The following PTER variants were observed in gnomAD, a reference collection of about 807,000 sequenced individuals.
PTER encodes phosphotriesterase related.
Under a neutral mutation model 29.6 loss-of-function variants are expected in PTER, and 38 were observed. That is an observed-to-expected ratio of 1.28 (90% CI 0.99 to 1.68). The LOEUF (loss-of-function observed/expected upper bound fraction) is 1.68. PTER is among the 40% of genes most tolerant of loss of function. The probability of loss-of-function intolerance (pLI) is 0.00; values close to 1 mark genes in which losing one functional copy is unlikely to be tolerated. For synonymous variants in PTER, 172 were observed against 154.5 expected (o/e 1.11, Z -0.84); for missense variants, 482 against 427.8 (o/e 1.13, Z -1.12).
chr10:16,474,033 C>T (rs1835162378), intron 1 of PTER, among the ~76,000 whole-genome samples: 1 of 151,938 alleles, frequency 6.6e-6, no homozygotes, highest in African/African-American at 2.4e-5. Context: ...CTGGCCAACA[C>T]AGTGAAACGT....
At chr10:16,459,333 A>G (rs911136079) in intron 1 of PTER, among the ~76,000 whole-genome samples, 1 of 152,072 alleles carries the variant, frequency 6.6e-6, no homozygotes, top group East Asian at 1.9e-4. Flanking sequence ...AAAGGTTTAT[A>G]CTCTGCATAT....
chr10:16,458,778 T>G (rs1834501951), intron 1 of PTER, among the ~76,000 whole-genome samples: 1 of 152,196 alleles, frequency 6.6e-6, no homozygotes, highest in Admixed American at 6.5e-5. Context: ...CTGCTGGTCC[T>G]CTAAAGCAAC....
At chr10:16,457,459 C>T (rs899721164) in intron 1 of PTER, among the ~76,000 whole-genome samples, 14 of 152,096 alleles carry the variant, frequency 9.2e-5, no homozygotes, top group Non-Finnish European at 2.9e-5. Context: ...GTGATCCGCC[C>T]GTCTCGGCCT....
At position 16,494,405 on chromosome 10, in the gene PTER, C is replaced by T. The variant is rs576695547; in HGVS notation, c.698+7788C>T. Among the ~76,000 whole-genome samples the T allele has an allele frequency of 1.2e-4, 18 of 152,178 alleles. No homozygotes were observed. In the South Asian group the frequency reaches 1.7e-3, roughly 14 times the overall value. ...ATGATGTCATTAAACATTTCTTTAG[C>T]GACCCAAGCAGTCAGAGAACTGAAT... On this transcript the variant is annotated intron_variant, in intron 3 of 4. Transcript: ENST00000535784.
At chr10:16,510,816 C>A (rs929029933) in intron 4 of PTER, among the ~76,000 whole-genome samples, 1 of 152,230 alleles carries the variant, frequency 6.6e-6, no homozygotes, top group Non-Finnish European at 1.5e-5. Context: ...ATAAATGTCA[C>A]AGGTTAGAAA....
chr10:16,482,969 A>G (rs1430423978), intron 1 of PTER, among the ~76,000 whole-genome samples: 2 of 152,040 alleles, frequency 1.3e-5, no homozygotes, highest in African/African-American at 4.8e-5. Context: ...TTTAGTAGAG[A>G]CGGGTTTTCA....
At chr10:16,486,716 G>A (rs549013093) in intron 3 of PTER, 99 bp downstream of exon 3, 39 of 1,332,952 alleles carry the variant, frequency 2.9e-5, no homozygotes, top group South Asian at 7.2e-5. Flanking sequence ...TACTAATCAC[G>A]CAGAGAAAAC....
intron 1 of PTER, chr10:16,476,118 C>G (rs1233762881): frequency 1.3e-5 from 2 of 152,162 alleles, no homozygotes; most frequent in African/African-American, 4.8e-5. Flanking sequence ...GAGCCTCGCT[C>G]TGTTGCCCAG....
intron 4 of PTER, among the ~76,000 whole-genome samples, chr10:16,510,604 T>C (rs1034914730): frequency 6.6e-6 from 1 of 152,210 alleles, no homozygotes; most frequent in Non-Finnish European, 1.5e-5. Flanking sequence ...TCGCAAACAG[T>C]CCTTGATATT....
downstream of PTER, among the ~76,000 whole-genome samples, chr10:16,516,662 T>C (rs571559590): frequency 6.6e-6 from 1 of 152,334 alleles, no homozygotes; most frequent in South Asian, 2.1e-4. Flanking sequence ...CTAAAATTAC[T>C]TGATTTAGAC....
At chr10:16,464,557 TG>T (rs1312046191) in intron 1 of PTER, among the ~76,000 whole-genome samples, 1 of 152,238 alleles carries the variant, frequency 6.6e-6, no homozygotes, top group African/African-American at 2.4e-5. Context: ...ATCGCCCTTA[TG>T]TAGTTCTCAT....
intron 1 of PTER, chr10:16,437,334 CTTTTTTTT>C (rs67176246): frequency 7.9e-4 from 109 of 138,714 alleles, no homozygotes; most frequent in South Asian, 4.6e-3. Context: ...CTTTAATAAG[CTTTTTTTT>C]TTTTTTTTTT....
chr10:16,484,299 T>A, intron 1 of PTER, 38 bp from the exon 2 acceptor site: 1 of 1,317,880 alleles, frequency 7.6e-7, no homozygotes, highest in Middle Eastern at 1.9e-4. Context: ...GTGTTAAATA[T>A]TCTGATTGTA....
chr10:16,476,685 C>T (rs1370362493), intron 1 of PTER, among the ~76,000 whole-genome samples: 2 of 151,938 alleles, frequency 1.3e-5, no homozygotes, highest in Admixed American at 6.6e-5. Flanking sequence ...GATCCTCCCA[C>T]CTCAGCCTCC....
intron 1 of PTER, among the ~76,000 whole-genome samples, chr10:16,448,732 G>A (rs113049010): frequency 7.9e-5 from 12 of 152,168 alleles, no homozygotes; most frequent in Non-Finnish European, 1.2e-4. Flanking sequence ...AGGAAAAAGC[G>A]ATCGGGGTCC....
intron 4 of PTER, among the ~76,000 whole-genome samples, chr10:16,508,411 A>T (rs1390046324): frequency 6.6e-6 from 1 of 151,464 alleles, no homozygotes; most frequent in African/African-American, 2.4e-5. Flanking sequence ...GGAACTTTGC[A>T]CTCTGGATCG....
chr10:16,514,283 G>C, downstream of PTER: 1 of 553,784 alleles, frequency 1.8e-6, no homozygotes, highest in Non-Finnish European at 3.2e-6. Flanking sequence ...TCATTCACAT[G>C]GACACTAACG....
chr10:16,474,135 T>G (rs1396610134), intron 1 of PTER, among the ~76,000 whole-genome samples: 3 of 152,138 alleles, frequency 2.0e-5, no homozygotes, highest in Non-Finnish European at 2.9e-5. Flanking sequence ...GAAAGTTGTT[T>G]GAACCTGGGA....
chr10:16,510,944 C>A, intron 4 of PTER, 102 bp from the exon 5 acceptor site: 1 of 948,682 alleles, frequency 1.1e-6, no homozygotes, highest in Non-Finnish European at 1.6e-6. Flanking sequence ...AAGTCAGTAT[C>A]TTTACGACAA....
Sources: allele counts gnomAD v4.1 joint callset (sites outside exome capture counted in the v4.1 genomes callset), GRCh38; gene constraint gnomAD v4.1.1; transcripts MANE v1.5; gene names NCBI Gene and HGNC (gene_info 2026-07-23, HGNC 2026-07-21).